The following DACH2 variants were observed in gnomAD, a reference collection of about 807,000 sequenced individuals.
DACH2 encodes the protein dachshund family transcription factor 2.
A neutral mutation model predicts 35.8 loss-of-function variants in DACH2; 17 were observed. The ratio of observed to expected loss-of-function variants is 0.48; its 90% CI spans 0.33 to 0.71. The LOEUF (loss-of-function observed/expected upper bound fraction) is 0.71. DACH2 is among the 30% of genes least tolerant of loss of function. DACH2 has a pLI of 0.02. For missense variants in DACH2, 469 were observed against 472.7 expected (o/e 0.99, Z 0.07); for synonymous variants, 195 against 177.3 (o/e 1.10, Z -0.79).
At chrX:86,659,381 C>T (rs910942692) in intron 4 of DACH2, among the ~76,000 whole-genome samples, 1 of 111,056 alleles carries the variant, frequency 9.0e-6, no homozygotes, top group East Asian at 2.8e-4. Context: ...TAGTGAATTA[C>T]ATTTCTTGTT....
At chrX:86,756,369 A>G (rs369837351) in intron 7 of DACH2, among the ~76,000 whole-genome samples, 1 of 111,071 alleles carries the variant, frequency 9.0e-6, no homozygotes. Flanking sequence ...CCATGAGAAC[A>G]TGATGTCTTT....
rs35078642 is a variant in DACH2, at chrX:86,297,043, G to GTATATATATATATA, written c.489-79766_489-79753dup. Among the ~76,000 whole-genome samples, 539 of 89,790 alleles carry GTATATATATATATA rather than the reference G, an allele frequency of 6.0e-3. 5 individuals are homozygous for GTATATATATATATA. Among genetic ancestry groups the GTATATATATATATA allele is most frequent in the African/African-American group, 0.021 (478 of 22,834 alleles). 78.0% of individuals were successfully genotyped at this position (89,790 alleles called of 115,157 possible). A position where few individuals can be genotyped will look rare whatever the true frequency, so the allele number is the denominator to read the frequency against. On this transcript the variant is annotated intron_variant, in intron 1 of 11. Transcript: ENST00000373125. Reference sequence around the variant, plus strand: ...CAGTCCTATAAATAAATATAATTGTGTATATATATATATATATATATATAT... The same window carrying GTATATATATATATA: ...CAGTCCTATAAATAAATATAATTGTGTATATATATATATATATATATATATATATATATATATAT...
chrX:86,524,368 G>A (rs550007164), intron 3 of DACH2, among the ~76,000 whole-genome samples: 246 of 111,712 alleles, frequency 2.2e-3, no homozygotes, highest in Middle Eastern at 0.019. Context: ...ACTACCTTTG[G>A]GTTTTTAAAT....
chrX:86,699,129 A>C (rs576445388), intron 5 of DACH2, among the ~76,000 whole-genome samples: 1 of 112,025 alleles, frequency 8.9e-6, no homozygotes, highest in Non-Finnish European at 1.9e-5. Context: ...GAGCGTCTTC[A>C]ACACTCCAAT....
chrX:86,592,725 A>G (rs1335200923), intron 3 of DACH2, among the ~76,000 whole-genome samples: 1 of 111,628 alleles, frequency 9.0e-6, no homozygotes, highest in Non-Finnish European at 1.9e-5. Flanking sequence ...TTTTTCTCCT[A>G]TATTTCTTAT....
At chrX:86,751,580 T>C (rs1458760602) in intron 7 of DACH2, among the ~76,000 whole-genome samples, 1 of 111,459 alleles carries the variant, frequency 9.0e-6, no homozygotes, top group African/African-American at 3.3e-5. Flanking sequence ...AATGAAGGGC[T>C]CTCATGCTAC....
intron 1 of DACH2, among the ~76,000 whole-genome samples, chrX:86,237,313 G>A (rs1421694357): frequency 9.0e-6 from 1 of 111,724 alleles, no homozygotes; most frequent in Non-Finnish European, 1.9e-5. Context: ...ATGATAAAAA[G>A]TACAGTATAA....
intron 1 of DACH2, among the ~76,000 whole-genome samples, chrX:86,161,621 A>G (rs1260608186): frequency 8.9e-6 from 1 of 112,381 alleles, no homozygotes; most frequent in African/African-American, 3.2e-5. Context: ...GCAATTAAGA[A>G]AAGGAACATT....
intron 1 of DACH2, among the ~76,000 whole-genome samples, chrX:86,322,374 G>C (rs2035030992): frequency 9.0e-6 from 1 of 110,695 alleles, no homozygotes; most frequent in African/African-American, 3.3e-5. Context: ...CTAGAAAAGA[G>C]ACAAGATAAA....
rs188312684 is a variant in DACH2 at position 86,432,948 on chromosome X, G to C, written c.527+56086G>C. Among the ~76,000 whole-genome samples the C allele has an allele frequency of 2.7e-5, 3 of 111,398 alleles. No individual in the cohort carries two copies. In the Admixed American group the frequency reaches 2.9e-4, roughly 11 times the overall value. ...ATCATATGTAGAAGAAGCATTGCGT[G>C]GTCGTTAAATACATGGACTATGGAC... is the stretch of plus-strand genomic sequence containing the variant. On this transcript the variant is annotated intron_variant, in intron 2 of 11. Transcript: ENST00000373125.
chrX:86,684,008 C>T (rs781087684), intron 4 of DACH2, among the ~76,000 whole-genome samples: 9 of 111,118 alleles, frequency 8.1e-5, no homozygotes, highest in South Asian at 7.6e-4. Flanking sequence ...TATTTTGCGT[C>T]GGTCTCTATC....
chrX:86,728,808 G>T (rs2041499925), intron 6 of DACH2, among the ~76,000 whole-genome samples: 2 of 113,017 alleles, frequency 1.8e-5, no homozygotes, highest in Non-Finnish European at 3.7e-5. Context: ...CACACAGAAT[G>T]CTTGAGTGAA....
At chrX:86,304,792 C>A in intron 1 of DACH2, 1 of 158,815 alleles carries the variant, frequency 6.3e-6, no homozygotes. Context: ...AGGACCTCTG[C>A]CAGTACTTTG....
intron 3 of DACH2, among the ~76,000 whole-genome samples, chrX:86,625,447 T>A (rs1366187319): frequency 1.8e-5 from 2 of 111,235 alleles, no homozygotes; most frequent in Non-Finnish European, 3.8e-5. Context: ...ACTGTATGTG[T>A]GTAATTCAAA....
intron 4 of DACH2, among the ~76,000 whole-genome samples, chrX:86,682,526 T>A (rs1009456914): frequency 1.8e-5 from 2 of 112,062 alleles, no homozygotes; most frequent in African/African-American, 6.5e-5. Context: ...GCTCACAGTG[T>A]GTGTTCAGTG....
intron 1 of DACH2, among the ~76,000 whole-genome samples, chrX:86,315,840 C>CAGAGAGAGAGAG (rs1166125637): frequency 1.0e-4 from 8 of 77,857 alleles, no homozygotes; most frequent in African/African-American, 4.1e-4. Flanking sequence ...CACACACACA[C>CAGAGAGAGAGAG]AGAGAGAGAG....
At chrX:86,392,851 T>TA (rs1342230204) in intron 2 of DACH2, among the ~76,000 whole-genome samples, 1 of 111,474 alleles carries the variant, frequency 9.0e-6, no homozygotes, top group East Asian at 2.8e-4. Flanking sequence ...TAACATAGCT[T>TA]ACAAGGTCCT....
chrX:86,743,023 C>CT (rs34689125), intron 7 of DACH2, among the ~76,000 whole-genome samples: 1 of 111,549 alleles, frequency 9.0e-6, no homozygotes, highest in East Asian at 2.8e-4. Context: ...TACATATTTA[C>CT]TTTTTTAACT....
intron 2 of DACH2, among the ~76,000 whole-genome samples, chrX:86,392,463 G>A (rs1047095447): frequency 1.8e-5 from 2 of 111,624 alleles, no homozygotes; most frequent in African/African-American, 6.5e-5. Context: ...TCAATTACTC[G>A]TGGTAAGAGA....
Sources: gnomAD v4.1 joint callset for allele counts (sites outside exome capture counted in the v4.1 genomes callset) on GRCh38, gnomAD v4.1.1 for gene constraint, MANE v1.5 for transcripts, NCBI Gene and HGNC (gene_info 2026-07-23, HGNC 2026-07-21) for gene names.